The following CASP10 variants were observed in gnomAD, a reference collection of about 807,000 sequenced individuals.
CASP10 encodes caspase 10, also known as caspase-10.
Under a neutral mutation model 48.5 loss-of-function variants are expected in CASP10, and 41 were observed. The observed-to-expected ratio is 0.85, with a 90% CI of 0.66 to 1.10. CASP10 has a LOEUF of 1.10. Ranked by LOEUF, CASP10 falls within the 50% of genes least tolerant of loss-of-function variation. CASP10 has a pLI of 0.00. For missense variants in CASP10, 614 were observed against 614.5 expected, an observed-to-expected ratio of 1.00 and a Z score of 0.01; for synonymous variants, 232 against 238.4, an observed-to-expected ratio of 0.97 and a Z score of 0.25.
chr2:201,189,917 C>T (rs966705239), intron 3 of CASP10, among the ~76,000 whole-genome samples: 3 of 152,076 alleles, frequency 2.0e-5, no homozygotes, highest in South Asian at 2.1e-4. Flanking sequence ...GAGGATCGCT[C>T]GAGCCCAGAG....
chr2:201,220,999 GGGAAGACGAAAA>G lies in CASP10; in HGVS notation c.*3259_*3270del, dbSNP rs1275184708. The G allele has an allele frequency of 3.0e-6, 3 of 985,256 alleles. No homozygotes were observed. The African/African-American group carries it at 5.2e-5, about 17-fold the overall frequency. The allele number at this position is 985,256 out of a possible 1,614,324, so 61.0% of individuals were successfully genotyped here. ...TAAAGTAGAGAAAACATTAGCTGTT[GGGAAGACGAAAA>G]AGAATGTGTCCTATGTGTGCATCTA... On this transcript the variant is annotated 3_prime_UTR_variant, in exon 10 of 10. Coordinates refer to ENST00000286186, the MANE Select transcript of CASP10 (RefSeq NM_032977.4).
At chr2:201,208,386 G>C (rs1012064973) in intron 8 of CASP10, 1 of 985,164 alleles carries the variant, frequency 1.0e-6, no homozygotes, top group African/African-American at 1.7e-5. Flanking sequence ...ATTCTGAATA[G>C]AGGAGAGCAT....
At chr2:201,202,749 C>A (rs952968294) in intron 5 of CASP10, among the ~76,000 whole-genome samples, 10 of 152,122 alleles carry the variant, frequency 6.6e-5, no homozygotes, top group Non-Finnish European at 7.4e-5. Context: ...GTCAGGTCCC[C>A]TTGGGGGCTT....
In CASP10 at chr2:201,209,415, C is replaced by T; in HGVS notation, c.1268C>T (p.Pro423Leu). The T allele has an allele frequency of 6.2e-7, 1 of 1,614,114 alleles. No individual in the cohort carries two copies. The highest frequency in any genetic ancestry group is 8.5e-7 in the Non-Finnish European group (1 of 1,180,006). Reference sequence around the variant, plus strand: ...GATGCTCTGAACCCTGAGCAGGCACCCACTTCCCTGCAGGACAGTATTCCT... The same window carrying T: ...GATGCTCTGAACCCTGAGCAGGCACTCACTTCCCTGCAGGACAGTATTCCT... Reference protein sequence around the residue: ...EADALNPEQAPTSLQDSIPAE... With the variant: ...EADALNPEQALTSLQDSIPAE... The change falls in exon 9 of 10, where the codon CCC (proline) becomes CTC (leucine). Residue 423 changes from proline to leucine, a missense_variant. By Grantham distance (98) the Pro-to-Leu change is moderately conservative. Coordinates refer to ENST00000286186, the MANE Select transcript of CASP10 (RefSeq NM_032977.4).
chr2:201,219,975 A>G lies in CASP10; in HGVS notation c.*2234A>G. The stretch of plus-strand genomic sequence containing the variant: ...TGTTTCATTTGATATGTGAATGCTC[A>G]TAAAAAAATGTCAAGGAATGAAGAA... On this transcript the variant is annotated 3_prime_UTR_variant, in exon 10 of 10. Coordinates refer to ENST00000286186, the MANE Select transcript of CASP10 (RefSeq NM_032977.4). 2.0e-6 allele frequency: 2 copies of G among 985,446 alleles called. No homozygotes were observed. The highest frequency in any genetic ancestry group is 2.4e-6 in the Non-Finnish European group (2 of 829,934). 61.0% of individuals were successfully genotyped at this position (985,446 alleles called of 1,614,324 possible).
intron 9 of CASP10, among the ~76,000 whole-genome samples, chr2:201,216,331 C>T (rs1945568429): frequency 6.6e-6 from 1 of 151,844 alleles, no homozygotes; most frequent in Admixed American, 6.6e-5. Flanking sequence ...ATCGCATTAC[C>T]GCATTCTAGC....
intron 1 of CASP10, 126 bp downstream of exon 1, chr2:201,183,434 C>G (rs1182335131): frequency 6.6e-6 from 1 of 152,112 alleles, no homozygotes; most frequent in East Asian, 1.9e-4. Context: ...TCTTAGATTT[C>G]TTTGTCATGC....
rs1944673201 is a variant in CASP10, at chr2:201,193,262, C to A, written c.577+143C>A. 1.6e-5 allele frequency: 13 copies of A among 803,844 alleles called. 1 individual carries two copies. Among genetic ancestry groups the A allele is most frequent in the Non-Finnish European group, 2.4e-5 (12 of 493,944 alleles). 49.8% of individuals were successfully genotyped at this position (803,844 alleles called of 1,614,324 possible). ...TCACTCTGTCACCCAGGCTGGAGTG[C>A]AGTGGTGTGATCTTGGCTCACTGAA... On this transcript the variant is annotated intron_variant, in intron 4 of 9. Transcript: ENST00000286186.
chr2:201,220,181 G>A lies in CASP10; in HGVS notation c.*2440G>A, dbSNP rs1371512120. On this transcript the variant is annotated 3_prime_UTR_variant, in exon 10 of 10. Coordinates refer to ENST00000286186, the MANE Select transcript of CASP10 (RefSeq NM_032977.4). ...TCTATATTGACAGGGCAGGAACACC[G>A]TCATCTTAGACAAACACCGCCACTT... 1.8e-5 allele frequency: 18 copies of A among 980,346 alleles called. No homozygotes were observed. The Admixed American group carries it at 1.8e-4, about 10-fold the overall frequency. The allele number at this position is 980,346 out of a possible 1,614,324, so 60.7% of individuals were successfully genotyped here.
At chr2:201,227,844 C>T (rs1945808481) in intron 9 of CASP10, among the ~76,000 whole-genome samples, 1 of 150,768 alleles carries the variant, frequency 6.6e-6, no homozygotes, top group East Asian at 2.0e-4. Context: ...CAGGTGTGAG[C>T]CACCGCGCCC....
At chr2:201,192,864 AGATGCTG>A in intron 3 of CASP10, 113 bp from the exon 4 acceptor site, 2 of 983,808 alleles carry the variant, frequency 2.0e-6, no homozygotes, top group Admixed American at 3.6e-5. Context: ...ACTTGAGGGC[AGATGCTG>A]TTATATCTTA....
At chr2:201,206,207 G>A in intron 7 of CASP10, 1 of 417,664 alleles carries the variant, frequency 2.4e-6, no homozygotes, top group East Asian at 4.9e-5. Context: ...TGGAGGAAAT[G>A]CTGTTACACT....
At chr2:201,225,188 C>G (rs926289615), downstream of CASP10, among the ~76,000 whole-genome samples, 1 of 152,156 alleles carries the variant, frequency 6.6e-6, no homozygotes, top group African/African-American at 2.4e-5. Context: ...ATTGTCTTCC[C>G]GATGTCAGCA....
At chr2:201,186,773 G>A (rs1406683074) in intron 2 of CASP10, among the ~76,000 whole-genome samples, 1 of 152,050 alleles carries the variant, frequency 6.6e-6, no homozygotes, top group Non-Finnish European at 1.5e-5. Flanking sequence ...TGCAACCTCC[G>A]CTTCCTGGGT....
At chr2:201,206,056 T>C in intron 7 of CASP10, 83 bp downstream of exon 7, 1 of 801,974 alleles carries the variant, frequency 1.2e-6, no homozygotes, top group Non-Finnish European at 2.1e-6. Context: ...CTTTAGGGGC[T>C]CTCTCCCTAG....
At chr2:201,183,562 T>C (rs1011609297) in intron 1 of CASP10, among the ~76,000 whole-genome samples, 51 of 152,104 alleles carry the variant, frequency 3.4e-4, no homozygotes, top group Non-Finnish European at 1.3e-4. Context: ...GAGATCAGAA[T>C]TGTCAAGAAA....
chr2:201,208,074 G>A lies in CASP10; in HGVS notation c.814-1G>A. On this transcript the variant is annotated splice_acceptor_variant, in intron 7 of 9. Coordinates refer to ENST00000286186, the MANE Select transcript of CASP10 (RefSeq NM_032977.4). LOFTEE classifies it high-confidence loss of function. ...CTAAGTGGCTCTATCTATTCTTCAAGAGGGCAGCTGTGTACAGGATGAATC... is the reference window on the plus strand; with the variant it reads ...CTAAGTGGCTCTATCTATTCTTCAAAAGGGCAGCTGTGTACAGGATGAATC... 3 of 1,611,430 alleles carry A rather than the reference G, an allele frequency of 1.9e-6. No homozygotes were observed. The highest frequency in any genetic ancestry group is 2.5e-6 in the Non-Finnish European group (3 of 1,177,640).
intron 3 of CASP10, among the ~76,000 whole-genome samples, chr2:201,190,759 T>C (rs1944580729): frequency 6.6e-6 from 1 of 152,044 alleles, no homozygotes; most frequent in African/African-American, 2.4e-5. Context: ...TGAGTGTTAG[T>C]TTTCAAACAA....
At position 201,195,957 on chromosome 2, in the gene CASP10, A is replaced by G. The variant is rs1231437672; in HGVS notation, c.684+9A>G. On this transcript the variant is annotated intron_variant, in intron 5 of 9. Transcript: ENST00000286186. ...TCTTGGAAGCCTTACCGGTAGGTTC[A>G]GTGGTGTGCTGGTCAATGCTTAACA... is the stretch of plus-strand genomic sequence containing the variant. 1 of 1,581,312 alleles carries G rather than the reference A, an allele frequency of 6.3e-7. No homozygotes were observed. Among genetic ancestry groups the G allele is most frequent in the Non-Finnish European group, 8.7e-7 (1 of 1,150,534 alleles).
Sources: allele counts gnomAD v4.1 joint callset (sites outside exome capture counted in the v4.1 genomes callset), GRCh38; gene constraint gnomAD v4.1.1; transcripts MANE v1.5; gene names NCBI Gene and HGNC (gene_info 2026-07-23, HGNC 2026-07-21).